PET117: variants seen among roughly 807,000 people sequenced by gnomAD.
PET117 encodes PET117 cytochrome c oxidase chaperone, also known as protein PET117 homolog, mitochondrial.
Under a neutral mutation model 9.2 loss-of-function variants are expected in PET117, and 10 were observed. That is an observed-to-expected ratio of 1.09 (90% CI 0.67 to 1.85). The LOEUF (loss-of-function observed/expected upper bound fraction) is 1.85. Among genes scored for constraint, PET117 ranks in the 40% most tolerant of loss-of-function variants. The probability of loss-of-function intolerance (pLI) is 0.00; values close to 1 mark genes in which losing one functional copy is unlikely to be tolerated. For synonymous variants in PET117, 43 were observed against 37.1 expected (o/e 1.16, Z -0.57); for missense variants, 96 against 98.2 (o/e 0.98, Z 0.09).
rs1172540153 is a variant in PET117 at position 18,143,047 on chromosome 20, A to G, written c.*690A>G. The G allele has an allele frequency of 1.0e-5, 15 of 1,440,888 alleles. No homozygotes were observed. The highest frequency in any genetic ancestry group is 2.7e-5 in the Admixed American group (1 of 36,516). 89.3% of individuals were successfully genotyped at this position (1,440,888 alleles called of 1,614,324 possible). On this transcript the variant is annotated 3_prime_UTR_variant, in exon 2 of 2. Coordinates refer to ENST00000432901, the MANE Select transcript of PET117 (RefSeq NM_001164811.2). ...GATAATTATATTTATTCTCTAGTTGATCAGCTATAAATTTATATAAAACAT... is the reference window on the plus strand; with the variant it reads ...GATAATTATATTTATTCTCTAGTTGGTCAGCTATAAATTTATATAAAACAT...
Position 18,142,610 on chromosome 20 carries a change from G to A in PET117, c.*253G>A, listed in dbSNP as rs6080996. ...GAAGCCCCATTAGGGTCACTGTCCAGTGCTTAGGGTTGTTACTGAGAAGCA... is the reference window on the plus strand; with the variant it reads ...GAAGCCCCATTAGGGTCACTGTCCAATGCTTAGGGTTGTTACTGAGAAGCA... On this transcript the variant is annotated 3_prime_UTR_variant, in exon 2 of 2. Transcript: ENST00000432901. 31 of 1,608,158 alleles carry A rather than the reference G, an allele frequency of 1.9e-5. No individual in the cohort carries two copies. The East Asian group carries it at 6.7e-4, about 35-fold the overall frequency.
chr20:18,142,777 C>T lies in PET117; in HGVS notation c.*420C>T, dbSNP rs746112160. 29 of 1,614,142 alleles carry T rather than the reference C, an allele frequency of 1.8e-5. No homozygotes were observed. The highest frequency in any genetic ancestry group is 2.4e-5 in the Non-Finnish European group (28 of 1,180,032). ...AAGTGGAGGGAGAGACGCTCCTGAT[C>T]GTCGAATCCGAGGATCAGGCATCAG... On this transcript the variant is annotated 3_prime_UTR_variant, in exon 2 of 2. Coordinates refer to ENST00000432901, the MANE Select transcript of PET117 (RefSeq NM_001164811.2).
rs182213388 is a variant in PET117 at position 18,138,455 on chromosome 20, A to G, written c.96+404A>G. On this transcript the variant is annotated intron_variant, in intron 1 of 1. Coordinates refer to ENST00000432901, the MANE Select transcript of PET117 (RefSeq NM_001164811.2). ...GCTAGAAAATAGAAGGTGGGGAAGG[A>G]GTTTCTTGGGGTGCATTCTGCAAGC... 328 of 993,684 alleles carry G rather than the reference A, an allele frequency of 3.3e-4. 1 individual carries two copies. In the African/African-American group the frequency reaches 5.3e-3, roughly 16 times the overall value. The allele number at this position is 993,684 out of a possible 1,614,324, so 61.6% of individuals were successfully genotyped here. A position where few individuals can be genotyped will look rare whatever the true frequency, so the allele number is the denominator to read the frequency against.
At position 18,142,297 on chromosome 20, in the gene PET117, T is replaced by A. The variant is rs1381360119; in HGVS notation, c.186T>A (p.Thr62=). The change falls in exon 2 of 2, where the codon ACT becomes ACA. Residue 62 remains threonine (T), a synonymous_variant. Coordinates refer to ENST00000432901, the MANE Select transcript of PET117 (RefSeq NM_001164811.2). ...TTTTGGGAGAACAGATTATTTTGAC[T>A]GAGCAACTTGAAGCAGAAAGAGAGA... ...IRLLGEQIIL[T]EQLEAEREKM... 6.5e-7 allele frequency: 1 copy of A among 1,537,026 alleles called. No homozygotes were observed. The highest frequency in any genetic ancestry group is 8.7e-7 in the Non-Finnish European group (1 of 1,146,902).
intron 1 of PET117, among the ~76,000 whole-genome samples, chr20:18,139,866 A>G (rs1250577059): frequency 1.3e-5 from 2 of 152,150 alleles, no homozygotes; most frequent in Non-Finnish European, 2.9e-5. Flanking sequence ...CACTTTATGT[A>G]TATCATCTGT....
chr20:18,140,835 AACCAAT>A (rs1378591862), intron 1 of PET117, among the ~76,000 whole-genome samples: 137 of 148,696 alleles, frequency 9.2e-4, no homozygotes, highest in Non-Finnish European at 1.7e-3. Flanking sequence ...AAAAAAAAAA[AACCAAT>A]AAAACAAAAC....
In PET117 at chr20:18,142,999, T is replaced by C; in HGVS notation, c.*642T>C. 6.5e-7 allele frequency: 1 copy of C among 1,541,090 alleles called. No individual in the cohort carries two copies. The highest frequency in any genetic ancestry group is 8.8e-7 in the Non-Finnish European group (1 of 1,142,228). On this transcript the variant is annotated 3_prime_UTR_variant, in exon 2 of 2. Transcript: ENST00000432901. ...TTCCAACCTGTGAAAGAAACGTGAATGTAAAAGAGACCTAAATAAAAGGAT... is the reference window on the plus strand; with the variant it reads ...TTCCAACCTGTGAAAGAAACGTGAACGTAAAAGAGACCTAAATAAAAGGAT...
chr20:18,140,917 G>T (rs2037524145), intron 1 of PET117, among the ~76,000 whole-genome samples: 1 of 149,626 alleles, frequency 6.7e-6, no homozygotes, highest in Non-Finnish European at 1.5e-5. Context: ...GAGTGAAGTG[G>T]CACAATCTTA....
chr20:18,141,232 T>C (rs2037563815), intron 1 of PET117, among the ~76,000 whole-genome samples: 1 of 151,870 alleles, frequency 6.6e-6, no homozygotes, highest in Non-Finnish European at 1.5e-5. Flanking sequence ...AAATGTTAGT[T>C]ATTAGTAATG....
chr20:18,139,069 G>A (rs1407073494), intron 1 of PET117, among the ~76,000 whole-genome samples: 1 of 152,184 alleles, frequency 6.6e-6, no homozygotes, highest in Non-Finnish European at 1.5e-5. Flanking sequence ...CTATGTGCTT[G>A]ATATACAGAG....
intron 1 of PET117, among the ~76,000 whole-genome samples, chr20:18,141,048 T>TTTTA (rs2037549552): frequency 3.1e-5 from 1 of 32,084 alleles, no homozygotes; most frequent in African/African-American, 1.0e-4. Flanking sequence ...TTTTTTTTTA[T>TTTTA]TTTTATTTTT....
Position 18,143,060 on chromosome 20 carries a change from T to G in PET117, c.*703T>G. The G allele has an allele frequency of 7.0e-7, 1 of 1,430,510 alleles. No homozygotes were observed. Among genetic ancestry groups the G allele is most frequent in the Non-Finnish European group, 9.1e-7 (1 of 1,093,092 alleles). The allele number at this position is 1,430,510 out of a possible 1,614,324, so 88.6% of individuals were successfully genotyped here. On this transcript the variant is annotated 3_prime_UTR_variant, in exon 2 of 2. Coordinates refer to ENST00000432901, the MANE Select transcript of PET117 (RefSeq NM_001164811.2). The stretch of plus-strand genomic sequence containing the variant: ...ATTCTCTAGTTGATCAGCTATAAAT[T>G]TATATAAAACATAGGCATGTTTGTA...
In PET117 at chr20:18,140,382, A is replaced by C. The variant is rs535593557; in HGVS notation, c.97-1826A>C. On this transcript the variant is annotated intron_variant, in intron 1 of 1. Coordinates refer to ENST00000432901, the MANE Select transcript of PET117 (RefSeq NM_001164811.2). ...CCTCATAATGAAGCTGTAGGCCTGG[A>C]GGAGGTCCAGCAAGTAGGTATTATA... Among the ~76,000 whole-genome samples the C allele has an allele frequency of 4.6e-4, 70 of 152,232 alleles. No homozygotes were observed. The South Asian group carries it at 6.8e-3, about 15-fold the overall frequency.
chr20:18,141,872 C>G (rs1015684789), intron 1 of PET117, among the ~76,000 whole-genome samples: 1 of 151,812 alleles, frequency 6.6e-6, no homozygotes, highest in East Asian at 1.9e-4. Flanking sequence ...GGCGACAGAG[C>G]GAGACTCTTG....
rs748859904 is a variant in PET117, at chr20:18,138,089, C to CGCG, written c.96+42_96+44dup. 8.3e-6 allele frequency: 12 copies of CGCG among 1,437,376 alleles called. No individual in the cohort carries two copies. The South Asian group carries it at 1.6e-4, about 20-fold the overall frequency. The allele number at this position is 1,437,376 out of a possible 1,614,324, so 89.0% of individuals were successfully genotyped here. ...TGACCGTCTCTTCCGGGCCCGCGCG[C>CGCG]GCGGCGTCGACCTGGGGCCTCTCGT... On this transcript the variant is annotated intron_variant, in intron 1 of 1. Transcript: ENST00000432901.
At chr20:18,142,186 A>C (rs1342230940) in intron 1 of PET117, 22 bp from the exon 2 acceptor site, 1 of 1,534,078 alleles carries the variant, frequency 6.5e-7, no homozygotes, top group African/African-American at 1.4e-5. Flanking sequence ...ATGTTACTGA[A>C]ATCTGTTTCT....
intron 1 of PET117, 26 bp downstream of exon 1, chr20:18,138,077 C>T (rs1014613119): frequency 2.1e-6 from 3 of 1,444,070 alleles, no homozygotes; most frequent in African/African-American, 3.0e-5. Context: ...CCGTCTCTTC[C>T]GGGCCCGCGC....
intron 1 of PET117, among the ~76,000 whole-genome samples, chr20:18,139,889 A>C (rs1427076309): frequency 6.6e-6 from 1 of 152,168 alleles, no homozygotes; most frequent in African/African-American, 2.4e-5. Context: ...TCCTCACAGT[A>C]ACCTAGCAAA....
At chr20:18,141,046 T>TTTTTTTTTTTTTTTTTTC (rs1568661545) in intron 1 of PET117, among the ~76,000 whole-genome samples, 2 of 41,608 alleles carry the variant, frequency 4.8e-5, no homozygotes, top group Non-Finnish European at 1.1e-4. Context: ...TTTTTTTTTT[T>TTTTTTTTTTTTTTTTTTC]ATTTTTATTT....
Sources: gnomAD v4.1 joint callset for allele counts (sites outside exome capture counted in the v4.1 genomes callset) on GRCh38, gnomAD v4.1.1 for gene constraint, MANE v1.5 for transcripts, NCBI Gene and HGNC (gene_info 2026-07-23, HGNC 2026-07-21) for gene names.